The following BNC2 variants were observed in gnomAD, a reference collection of about 807,000 sequenced individuals.
BNC2 encodes the protein basonuclin zinc finger protein 2.
In BNC2, 20 loss-of-function variants were observed where a neutral mutation model predicts 76.3. That is an observed-to-expected ratio of 0.26 (90% CI 0.18 to 0.38). The LOEUF is 0.38. Ranked by LOEUF, BNC2 falls within the 10% of genes least tolerant of loss-of-function variation. The pLI, the probability that BNC2 is intolerant of heterozygous loss-of-function variation, is 1.00. For synonymous variants in BNC2, 582 were observed against 514.8 expected (o/e 1.13, Z -1.77); for missense variants, 1,382 against 1,399.8 (o/e 0.99, Z 0.20).
At chr9:16,622,021 G>C (rs1160318632) in intron 3 of BNC2, among the ~76,000 whole-genome samples, 2 of 151,998 alleles carry the variant, frequency 1.3e-5, no homozygotes, top group Non-Finnish European at 2.9e-5. Flanking sequence ...CACAGTACTG[G>C]TCTGGACACT....
chr9:16,733,242 A>C (rs575672017), intron 2 of BNC2, among the ~76,000 whole-genome samples: 1 of 152,266 alleles, frequency 6.6e-6, no homozygotes, highest in East Asian at 1.9e-4. Context: ...GTAATAAAGG[A>C]AACCTCTTCT....
intron 3 of BNC2, among the ~76,000 whole-genome samples, chr9:16,677,014 A>G (rs539321282): frequency 2.7e-4 from 41 of 152,342 alleles, no homozygotes; most frequent in African/African-American, 9.6e-4. Context: ...TATTTTAGGG[A>G]AAAATTATAA....
At chr9:16,505,145 T>A (rs1374016923) in intron 5 of BNC2, among the ~76,000 whole-genome samples, 1 of 152,136 alleles carries the variant, frequency 6.6e-6, no homozygotes, top group Non-Finnish European at 1.5e-5. Context: ...ATAAAATGTA[T>A]AAATGAGATA....
At chr9:16,662,006 C>T (rs1399488246) in intron 3 of BNC2, among the ~76,000 whole-genome samples, 6 of 152,142 alleles carry the variant, frequency 3.9e-5, no homozygotes, top group Non-Finnish European at 5.9e-5. Flanking sequence ...CTAGTTATTT[C>T]GAACAGCTGC....
intron 1 of BNC2, among the ~76,000 whole-genome samples, chr9:16,796,689 AAAG>A (rs1309495579): frequency 6.6e-6 from 1 of 152,130 alleles, no homozygotes; most frequent in Non-Finnish European, 1.5e-5. Context: ...AGAAAGAAAG[AAAG>A]AAATCCTTAT....
intron 1 of BNC2, among the ~76,000 whole-genome samples, chr9:16,807,755 T>C (rs114003439): frequency 0.011 from 1,668 of 152,338 alleles, 28 homozygotes; most frequent in African/African-American, 0.038. Flanking sequence ...TTATCTAAAA[T>C]ATAAAAAATT....
chr9:16,859,497 T>C (rs986770102), intron 1 of BNC2, among the ~76,000 whole-genome samples: 2 of 152,238 alleles, frequency 1.3e-5, no homozygotes, highest in African/African-American at 2.4e-5. Context: ...ATACATATGA[T>C]GAAATATTAT....
chr9:16,669,433 C>T (rs548731314), intron 3 of BNC2, among the ~76,000 whole-genome samples: 95 of 152,246 alleles, frequency 6.2e-4, no homozygotes, highest in Non-Finnish European at 8.5e-4. Flanking sequence ...GCAGAGTAAA[C>T]TAAATTTTTC....
At chr9:16,642,261 A>G (rs1055719153) in intron 3 of BNC2, among the ~76,000 whole-genome samples, 4 of 152,192 alleles carry the variant, frequency 2.6e-5, no homozygotes, top group African/African-American at 4.8e-5. Flanking sequence ...AGAAAACAGT[A>G]TCTGTAAACA....
intron 1 of BNC2, among the ~76,000 whole-genome samples, chr9:16,830,268 G>C (rs1300636554): frequency 1.3e-5 from 2 of 152,228 alleles, no homozygotes; most frequent in African/African-American, 4.8e-5. Flanking sequence ...AGGCAAGGCA[G>C]TATTCACCTA....
At chr9:16,702,093 C>G (rs1346747217) in intron 3 of BNC2, among the ~76,000 whole-genome samples, 2 of 152,026 alleles carry the variant, frequency 1.3e-5, no homozygotes, top group East Asian at 3.9e-4. Flanking sequence ...CCTTAACTAC[C>G]CTTTAGGCAT....
At chr9:16,779,867 G>A (rs777336798) in intron 1 of BNC2, among the ~76,000 whole-genome samples, 1 of 152,162 alleles carries the variant, frequency 6.6e-6, no homozygotes, top group Non-Finnish European at 1.5e-5. Context: ...GAAAGCTAAA[G>A]GGTACGGGTT....
At chr9:16,793,870 T>C (rs1256340648) in intron 1 of BNC2, among the ~76,000 whole-genome samples, 2 of 141,370 alleles carry the variant, frequency 1.4e-5, no homozygotes, top group African/African-American at 5.1e-5. Flanking sequence ...GTTTTTTTGT[T>C]TTTTTTTTTT....
At chr9:16,496,148 A>G (rs1190141801) in intron 5 of BNC2, among the ~76,000 whole-genome samples, 1 of 151,946 alleles carries the variant, frequency 6.6e-6, no homozygotes, top group African/African-American at 2.4e-5. Flanking sequence ...ACCTCAGGTG[A>G]TCCGCCCGCC....
At chr9:16,546,720 G>A (rs543721351) in intron 5 of BNC2, among the ~76,000 whole-genome samples, 18 of 152,202 alleles carry the variant, frequency 1.2e-4, no homozygotes, top group African/African-American at 4.1e-4. Context: ...CTGAATATAC[G>A]AGATCTTAAG....
rs755903783 is a variant in BNC2, at chr9:16,727,750, G to A, written c.330+47C>T. 8.5e-6 allele frequency: 13 copies of A among 1,526,548 alleles called. No individual in the cohort carries two copies. In the Admixed American group the frequency reaches 2.0e-4, roughly 24 times the overall value. 94.6% of individuals were successfully genotyped at this position (1,526,548 alleles called of 1,614,324 possible). On this transcript the variant is annotated intron_variant, in intron 3 of 6. Coordinates refer to ENST00000380672, the MANE Select transcript of BNC2 (RefSeq NM_017637.6). ...ACAAAAGTGCCCATAACAATTCAAG[G>A]TTTCTTAAAAAAAAGAAAAAAAAAA...
intron 3 of BNC2, among the ~76,000 whole-genome samples, chr9:16,665,345 G>C (rs1055466556): frequency 2.1e-5 from 3 of 143,734 alleles, no homozygotes; most frequent in Non-Finnish European, 4.5e-5. Flanking sequence ...ACTCCAGCCT[G>C]GGCAATAAGA....
chr9:16,665,058 G>A, intron 3 of BNC2: 3 of 456,208 alleles, frequency 6.6e-6, no homozygotes, highest in African/African-American at 2.0e-5. Flanking sequence ...ATAAATTAAG[G>A]AAGTACCTTA....
At chr9:16,581,541 G>A (rs1483208593) in intron 4 of BNC2, among the ~76,000 whole-genome samples, 1 of 152,120 alleles carries the variant, frequency 6.6e-6, no homozygotes, top group Non-Finnish European at 1.5e-5. Context: ...CCATGTAAAG[G>A]TGACCATCTA....
Sources: allele counts gnomAD v4.1 joint callset (sites outside exome capture counted in the v4.1 genomes callset), GRCh38; gene constraint gnomAD v4.1.1; transcripts MANE v1.5; gene names NCBI Gene and HGNC (gene_info 2026-07-23, HGNC 2026-07-21).